The following HIPK1 variants were observed in gnomAD, a reference collection of about 807,000 sequenced individuals.
The protein encoded by HIPK1 is homeodomain-interacting protein kinase 1.
HIPK1 carries 28 observed loss-of-function variants against 117.1 expected under a neutral mutation model. That is an observed-to-expected ratio of 0.24 (90% CI 0.18 to 0.33). HIPK1 has a LOEUF of 0.33. HIPK1 is among the 10% of genes least tolerant of loss of function. The pLI is 1.00. For missense variants in HIPK1, 1,122 were observed against 1,475.1 expected (o/e 0.76, Z 3.92); for synonymous variants, 605 against 562.5 (o/e 1.08, Z -1.07).
rs1166865688 is a variant in HIPK1 at position 113,973,942 on chromosome 1, T to C, written c.*430T>C. On this transcript the variant is annotated 3_prime_UTR_variant, in exon 16 of 16. Transcript: ENST00000426820. ...GATTGCTGGTCAGGAAAAATGCTGATAGAAGGAGTTGAAATCTGATGACAA... is the reference window on the plus strand; with the variant it reads ...GATTGCTGGTCAGGAAAAATGCTGACAGAAGGAGTTGAAATCTGATGACAA... 1 of 155,200 alleles carries C rather than the reference T, an allele frequency of 6.4e-6. No individual in the cohort carries two copies. Among genetic ancestry groups the C allele is most frequent in the East Asian group, 1.8e-4 (1 of 5,414 alleles). 9.6% of individuals were successfully genotyped at this position (155,200 alleles called of 1,614,324 possible). A position where few individuals can be genotyped will look rare whatever the true frequency, so the allele number is the denominator to read the frequency against.
intron 15 of HIPK1, among the ~76,000 whole-genome samples, chr1:113,972,801 T>G (rs1480269585): frequency 6.6e-6 from 1 of 152,170 alleles, no homozygotes; most frequent in Non-Finnish European, 1.5e-5. Context: ...CCTGTCATAC[T>G]TACAAGCAAA....
chr1:113,948,352 A>T (rs1166117400), intron 2 of HIPK1, among the ~76,000 whole-genome samples: 1 of 152,122 alleles, frequency 6.6e-6, no homozygotes, highest in African/African-American at 2.4e-5. Flanking sequence ...CCTGGGCTCA[A>T]GTGATCCTTC....
In HIPK1 at chr1:113,976,846, C is replaced by G. The variant is rs932036596; in HGVS notation, c.*3334C>G. 6.5e-6 allele frequency: 1 copy of G among 152,820 alleles called. No individual in the cohort carries two copies. 9.5% of individuals were successfully genotyped at this position (152,820 alleles called of 1,614,324 possible). A position where few individuals can be genotyped will look rare whatever the true frequency, so the allele number is the denominator to read the frequency against. ...AGTCCTCTCTCAGAACTTGGCATTT[C>G]CAACTTCTTCCTTTCCGGGTGAGAG... On this transcript the variant is annotated 3_prime_UTR_variant, in exon 16 of 16. Coordinates refer to ENST00000426820, the MANE Select transcript of HIPK1 (RefSeq NM_198268.3).
Position 113,973,391 on chromosome 1 carries a change from C to A in HIPK1, c.3512C>A (p.Ala1171Asp). ...GPSLLTSASV[A>D]PAQYQHQFAT... Reference sequence around the variant, plus strand: ...AGCCTCCTCACTTCTGCCAGCGTGGCCCCTGCTCAGTACCAACACCAGTTT... The same window carrying A: ...AGCCTCCTCACTTCTGCCAGCGTGGACCCTGCTCAGTACCAACACCAGTTT... Residue 1171 changes from alanine to aspartate, a missense_variant, in exon 16 of 16, where the codon GCC (alanine) becomes GAC (aspartate). By Grantham distance (126) the Ala-to-Asp change is moderately radical. This residue lies in a region of HIPK1 where 731 missense variants were observed against 860.4 expected (regional missense o/e 0.85). Transcript: ENST00000426820. 6.2e-7 allele frequency: 1 copy of A among 1,614,182 alleles called. No homozygotes were observed. The highest frequency in any genetic ancestry group is 8.5e-7 in the Non-Finnish European group (1 of 1,180,018).
intron 2 of HIPK1, 89 bp from the exon 3 acceptor site, chr1:113,952,677 G>A: frequency 2.0e-6 from 2 of 978,032 alleles, no homozygotes; most frequent in Non-Finnish European, 2.7e-6. Context: ...TGTTCCTTTA[G>A]CTAATACTAA....
intron 1 of HIPK1, among the ~76,000 whole-genome samples, chr1:113,938,852 G>A (rs1670427301): frequency 6.7e-6 from 1 of 150,180 alleles, no homozygotes; most frequent in Non-Finnish European, 1.5e-5. Flanking sequence ...GAAGGTTGCA[G>A]CGAGCCAAGA....
At position 113,958,095 on chromosome 1, in the gene HIPK1, A is replaced by T; in HGVS notation, c.1785A>T (p.Ala595=). ...GTGTTCTAGCTTCCAGTTCTACTGC[A>T]GCAGCTGCTACTCTTTCTCTGGCTA... is the stretch of plus-strand genomic sequence containing the variant. ...QASVLASSST[A]AAATLSLANS... Residue 595 remains alanine (A), a synonymous_variant, in exon 8 of 16, where the codon GCA becomes GCT. Transcript: ENST00000426820. 1 of 1,614,102 alleles carries T rather than the reference A, an allele frequency of 6.2e-7. No individual in the cohort carries two copies. Among genetic ancestry groups the T allele is most frequent in the Non-Finnish European group, 8.5e-7 (1 of 1,179,946 alleles).
chr1:113,940,453 C>A lies in HIPK1; in HGVS notation c.70C>A (p.Leu24Met). The change falls in exon 2 of 16, where the codon CTG (leucine) becomes ATG (methionine). Residue 24 changes from leucine (L) to methionine (M), a missense_variant. Leu to Met is a conservative substitution (Grantham distance 15). This residue lies in a region of HIPK1 where 192 missense variants were observed against 234.0 expected (regional missense o/e 0.82). Transcript: ENST00000426820. ...GAGTGCCTTCTGCAGTGCGAAGAAA[C>A]TGAAAATAGAGCCCTCTGGCTGGGA... is the stretch of plus-strand genomic sequence containing the variant. ...SSSAFCSAKK[L>M]KIEPSGWDVS... 6.2e-7 allele frequency: 1 copy of A among 1,614,160 alleles called. No homozygotes were observed. Among genetic ancestry groups the A allele is most frequent in the Non-Finnish European group, 8.5e-7 (1 of 1,180,032 alleles).
chr1:113,947,264 C>T (rs748242789), intron 2 of HIPK1, among the ~76,000 whole-genome samples: 2 of 152,134 alleles, frequency 1.3e-5, no homozygotes, highest in Admixed American at 6.6e-5. Flanking sequence ...TCCTGTCTTT[C>T]GGGCTTGAGT....
At position 113,973,466 on chromosome 1, in the gene HIPK1, GA is replaced by G; in HGVS notation, c.3588del (p.Tyr1197ThrfsTer3). ...GSSRGSTIYT[G>X]YPLSPTKISQ... ...TCCCGAGGCTCAACAATTTACACTG[GA>G]TACCCGCTGAGTCCTACCAAGATCA... On this transcript the variant is annotated frameshift_variant, in exon 16 of 16. Transcript: ENST00000426820. LOFTEE classifies it high-confidence loss of function. The G allele has an allele frequency of 6.2e-7, 1 of 1,611,408 alleles. No homozygotes were observed. Among genetic ancestry groups the G allele is most frequent in the Non-Finnish European group, 8.5e-7 (1 of 1,178,348 alleles).
intron 1 of HIPK1, among the ~76,000 whole-genome samples, chr1:113,934,852 T>G (rs1228475054): frequency 6.7e-6 from 1 of 148,250 alleles, no homozygotes; most frequent in African/African-American, 2.5e-5. Flanking sequence ...TAGCCAAGCG[T>G]CCTGGTGTGT....
intron 3 of HIPK1, 147 bp from the exon 4 acceptor site, chr1:113,954,500 GTATA>G: frequency 1.4e-6 from 1 of 722,236 alleles, no homozygotes; most frequent in Non-Finnish European, 2.3e-6. Flanking sequence ...GGATGGATTA[GTATA>G]TATAGGTATT....
Position 113,963,479 on chromosome 1 carries a change from A to G in HIPK1, c.2196A>G (p.Ala732=), listed in dbSNP as rs1558144706. 3 of 1,614,168 alleles carry G rather than the reference A, an allele frequency of 1.9e-6. No individual in the cohort carries two copies. The highest frequency in any genetic ancestry group is 2.5e-6 in the Non-Finnish European group (3 of 1,180,002). The change falls in exon 10 of 16, where the codon GCA becomes GCG. Residue 732 remains alanine, a synonymous_variant. Coordinates refer to ENST00000426820, the MANE Select transcript of HIPK1 (RefSeq NM_198268.3). ...QYAVPFTLSC[A]AGRPALVEQT... is the part of the protein sequence containing the mutation. Reference sequence around the variant, plus strand: ...CGGTGCCCTTTACTCTGAGCTGCGCAGCCGGCCGGCCGGCGCTGGTTGAAC... The same window carrying G: ...CGGTGCCCTTTACTCTGAGCTGCGCGGCCGGCCGGCCGGCGCTGGTTGAAC...
chr1:113,938,722 A>T lies in HIPK1; in HGVS notation c.-2-1660A>T, dbSNP rs529109642. Among the ~76,000 whole-genome samples, 6 of 152,052 alleles carry T rather than the reference A, an allele frequency of 3.9e-5. No homozygotes were observed. In the East Asian group the frequency reaches 9.7e-4, roughly 25 times the overall value. ...TCAGGAGTTTGAGACCACCCAGGCAACATGGTGAAAACCCATCTCTACTAA... is the reference window on the plus strand; with the variant it reads ...TCAGGAGTTTGAGACCACCCAGGCATCATGGTGAAAACCCATCTCTACTAA... On this transcript the variant is annotated intron_variant, in intron 1 of 15. Coordinates refer to ENST00000426820, the MANE Select transcript of HIPK1 (RefSeq NM_198268.3).
In HIPK1 at chr1:113,958,231, A is replaced by T; in HGVS notation, c.1921A>T (p.Ile641Phe). 1 of 1,614,190 alleles carries T rather than the reference A, an allele frequency of 6.2e-7. No individual in the cohort carries two copies. The highest frequency in any genetic ancestry group is 8.5e-7 in the Non-Finnish European group (1 of 1,180,022). ...TTCCTTGCAGCCTGGAACCACCCAG[A>T]TTTGCACTCAGACAGATCCATTCCA... The part of the protein sequence containing the change: ...GVSLQPGTTQ[I>F]CTQTDPFQQT... The change falls in exon 8 of 16, where the codon ATT becomes TTT. Residue 641 changes from isoleucine to phenylalanine, a missense_variant. Coordinates refer to ENST00000426820, the MANE Select transcript of HIPK1 (RefSeq NM_198268.3).
Position 113,937,972 on chromosome 1 carries a change from G to GT in HIPK1, c.-2-2400dup, listed in dbSNP as rs956885001. ...TGCATTTTAAGGCAGGTTGAGACAG[G>GT]TTTTTTTTTTGAGATAGGATCTAGC... On this transcript the variant is annotated intron_variant, in intron 1 of 15. Transcript: ENST00000426820. Among the ~76,000 whole-genome samples, 169 of 148,296 alleles carry GT rather than the reference G, an allele frequency of 1.1e-3. 1 individual carries two copies. Among genetic ancestry groups the GT allele is most frequent in the African/African-American group, 3.5e-3 (141 of 40,514 alleles).
intron 8 of HIPK1, among the ~76,000 whole-genome samples, chr1:113,959,248 T>C (rs1283495785): frequency 6.6e-6 from 1 of 151,582 alleles, no homozygotes; most frequent in Non-Finnish European, 1.5e-5. Context: ...CTCTCTTGTT[T>C]GTTTGGTTTC....
At position 113,968,658 on chromosome 1, in the gene HIPK1, G is replaced by GTGAATGGTTCC; in HGVS notation, c.2771+13_2771+23dup. 1 of 1,604,674 alleles carries GTGAATGGTTCC rather than the reference G, an allele frequency of 6.2e-7. No homozygotes were observed. The highest frequency in any genetic ancestry group is 8.5e-7 in the Non-Finnish European group (1 of 1,171,478). ...AATACAAGCCCAGTAGGTAAGATAA[G>GTGAATGGTTCC]TGAATGGTTCCTGGCTCTATTGGTT... On this transcript the variant is annotated intron_variant, in intron 13 of 15. Transcript: ENST00000426820.
intron 2 of HIPK1, among the ~76,000 whole-genome samples, chr1:113,949,998 C>T (rs755622876): frequency 2.6e-5 from 4 of 152,032 alleles, no homozygotes; most frequent in Admixed American, 6.6e-5. Context: ...AGTGTAAGCC[C>T]GAAGAGGCCT....
Sources: allele counts gnomAD v4.1 joint callset (sites outside exome capture counted in the v4.1 genomes callset), GRCh38; gene constraint gnomAD v4.1.1; regional missense constraint gnomAD v4.1.1; transcripts MANE v1.5; gene names NCBI Gene and HGNC (gene_info 2026-07-23, HGNC 2026-07-21).